EPHX4: variants seen among roughly 807,000 people sequenced by gnomAD.
EPHX4 encodes the protein epoxide hydrolase 4.
EPHX4 carries 31 observed loss-of-function variants against 44.9 expected under a neutral mutation model. The ratio of observed to expected loss-of-function variants is 0.69; its 90% CI spans 0.52 to 0.93. The LOEUF (loss-of-function observed/expected upper bound fraction) is 0.93, where lower values mean the gene tolerates loss of function less well. Ranked by LOEUF, EPHX4 falls within the 40% of genes least tolerant of loss-of-function variation. EPHX4 has a pLI of 0.00. For missense variants in EPHX4, 373 were observed against 438.1 expected, an observed-to-expected ratio of 0.85 and a Z score of 1.33; for synonymous variants, 151 against 159.7, an observed-to-expected ratio of 0.95 and a Z score of 0.41.
intron 2 of EPHX4, among the ~76,000 whole-genome samples, chr1:92,034,880 G>A (rs952696451): frequency 2.0e-5 from 3 of 152,114 alleles, no homozygotes; most frequent in Non-Finnish European, 4.4e-5. Flanking sequence ...CTGACCTCAA[G>A]TGATCTGCCC....
At chr1:92,030,340 G>A (rs1449667309) in intron 1 of EPHX4, 30 bp downstream of exon 1, 8 of 1,471,880 alleles carry the variant, frequency 5.4e-6, no homozygotes, top group Middle Eastern at 3.7e-4. Flanking sequence ...TGGCGGGAGC[G>A]GGAGGGAGCG....
chr1:92,052,735 T>A (rs1368026156), intron 6 of EPHX4, 77 bp downstream of exon 6: 1 of 1,296,050 alleles, frequency 7.7e-7, no homozygotes, highest in East Asian at 2.7e-5. Flanking sequence ...TTTTTAAGGT[T>A]AAGTTCACCA....
At chr1:92,040,118 T>C (rs1688488762) in intron 2 of EPHX4, among the ~76,000 whole-genome samples, 1 of 151,738 alleles carries the variant, frequency 6.6e-6, no homozygotes, top group Admixed American at 6.6e-5. Context: ...CATTCATAAT[T>C]CCAAATATGT....
At chr1:92,050,252 A>C in intron 4 of EPHX4, 65 bp from the exon 5 acceptor site, 1 of 980,020 alleles carries the variant, frequency 1.0e-6, no homozygotes, top group South Asian at 1.6e-5. Flanking sequence ...CCTAAAAAGA[A>C]GTTCTTCTAA....
Position 92,048,908 on chromosome 1 carries a change from G to T in EPHX4, c.605-1409G>T, listed in dbSNP as rs572753117. On this transcript the variant is annotated intron_variant, in intron 4 of 6. Transcript: ENST00000370383. ...TGTAGAGACAGTATCTTGCTATGTTGCCCAGGCTGGTCTCAAACCCTTGGC... is the reference window on the plus strand; with the variant it reads ...TGTAGAGACAGTATCTTGCTATGTTTCCCAGGCTGGTCTCAAACCCTTGGC... Among the ~76,000 whole-genome samples the T allele has an allele frequency of 2.0e-5, 3 of 151,842 alleles. No homozygotes were observed. The South Asian group carries it at 6.3e-4, about 32-fold the overall frequency.
At chr1:92,031,015 C>G (rs893179013) in intron 1 of EPHX4, among the ~76,000 whole-genome samples, 32 of 152,094 alleles carry the variant, frequency 2.1e-4, no homozygotes, top group African/African-American at 7.0e-4. Context: ...GGAAATAGTT[C>G]CCGTGATACA....
At chr1:92,062,264 A>C (rs770954884) in intron 6 of EPHX4, among the ~76,000 whole-genome samples, 1 of 151,864 alleles carries the variant, frequency 6.6e-6, no homozygotes, top group African/African-American at 2.4e-5. Flanking sequence ...TCATTACACC[A>C]TTCAGTAATT....
intron 2 of EPHX4, among the ~76,000 whole-genome samples, chr1:92,034,744 T>C (rs1296869040): frequency 1.3e-5 from 2 of 151,422 alleles, no homozygotes; most frequent in Non-Finnish European, 2.9e-5. Flanking sequence ...TGGGTTCAAG[T>C]GATTCTCCAG....
Position 92,052,505 on chromosome 1 carries a change from A to G in EPHX4, c.709-5A>G. On this transcript the variant is annotated splice_polypyrimidine_tract_variant and splice_region_variant and intron_variant, in intron 5 of 6. Coordinates refer to ENST00000370383, the MANE Select transcript of EPHX4 (RefSeq NM_173567.5). ...TTTTAATTATTGTTTTCTCACTTAA[A>G]TTAGGTTTTGAAACATCTGTTTACC... 6.3e-7 allele frequency: 1 copy of G among 1,589,358 alleles called. No homozygotes were observed. Among genetic ancestry groups the G allele is most frequent in the South Asian group, 1.2e-5 (1 of 85,130 alleles).
In EPHX4 at chr1:92,050,347, T is replaced by G. The variant is rs1053831916; in HGVS notation, c.635T>G (p.Leu212Trp). The G allele has an allele frequency of 6.2e-7, 1 of 1,607,066 alleles. No homozygotes were observed. ...ATTTTACGACACCCTGCTCAGCTGTTGAAATCCAGTTATTATTACTTCTTC... is the reference window on the plus strand; with the variant it reads ...ATTTTACGACACCCTGCTCAGCTGTGGAAATCCAGTTATTATTACTTCTTC... ...EYILRHPAQL[L>W]KSSYYYFFQI... The change falls in exon 5 of 7, where the codon TTG becomes TGG. Residue 212 changes from leucine (L) to tryptophan (W), a missense_variant. Physicochemically the swap from Leu to Trp is moderately conservative, Grantham distance 61. Coordinates refer to ENST00000370383, the MANE Select transcript of EPHX4 (RefSeq NM_173567.5).
At position 92,043,438 on chromosome 1, in the gene EPHX4, A is replaced by G. The variant is rs1475297385; in HGVS notation, c.475+458A>G. 2.0e-5 allele frequency: 3 copies of G among 151,128 alleles called. No homozygotes were observed. The East Asian group carries it at 5.8e-4, about 29-fold the overall frequency. The allele number at this position is 151,128 out of a possible 1,614,324, so 9.4% of individuals were successfully genotyped here. A position where few individuals can be genotyped will look rare whatever the true frequency, so the allele number is the denominator to read the frequency against. On this transcript the variant is annotated intron_variant, in intron 3 of 6. Coordinates refer to ENST00000370383, the MANE Select transcript of EPHX4 (RefSeq NM_173567.5). The stretch of plus-strand genomic sequence containing the variant: ...CCGTTGCACTCCAACCTGGGCAACA[A>G]GAATGAGACTCTGTTTAAAAAAAAA...
intron 2 of EPHX4, among the ~76,000 whole-genome samples, chr1:92,036,783 T>C (rs985762222): frequency 1.3e-5 from 2 of 152,216 alleles, no homozygotes; most frequent in Admixed American, 6.5e-5. Flanking sequence ...CCTGGTTGTT[T>C]AGGGAGCATC....
intron 1 of EPHX4, among the ~76,000 whole-genome samples, chr1:92,031,860 C>T (rs990498464): frequency 5.3e-5 from 8 of 152,052 alleles, no homozygotes; most frequent in African/African-American, 1.9e-4. Flanking sequence ...AAGTCTTGAG[C>T]ACTCAGGGCA....
chr1:92,039,803 G>A (rs923353715), intron 2 of EPHX4, among the ~76,000 whole-genome samples: 2 of 151,938 alleles, frequency 1.3e-5, no homozygotes, highest in South Asian at 2.1e-4. Context: ...ACAGGTGTCC[G>A]CCACCACGCC....
chr1:92,052,167 G>C (rs1570695649), intron 5 of EPHX4, among the ~76,000 whole-genome samples: 2 of 152,100 alleles, frequency 1.3e-5, no homozygotes, highest in Admixed American at 1.3e-4. Context: ...AATGCCCTGG[G>C]CTTATCTTTT....
intron 6 of EPHX4, among the ~76,000 whole-genome samples, chr1:92,059,497 G>A (rs1217423192): frequency 1.3e-5 from 2 of 151,952 alleles, no homozygotes; most frequent in African/African-American, 2.4e-5. Context: ...TTATGTCTTA[G>A]CCAGCATGTA....
chr1:92,058,053 A>C (rs1647411929), intron 6 of EPHX4, among the ~76,000 whole-genome samples: 1 of 152,254 alleles, frequency 6.6e-6, no homozygotes. Context: ...AGGTCAATTT[A>C]AGTTATAAAC....
At chr1:92,053,744 G>A (rs1328914522) in intron 6 of EPHX4, among the ~76,000 whole-genome samples, 2 of 152,166 alleles carry the variant, frequency 1.3e-5, no homozygotes, top group Non-Finnish European at 2.9e-5. Flanking sequence ...CAGCAGTATG[G>A]ATAAGCATGC....
chr1:92,033,096 T>TC (rs1557880868), intron 2 of EPHX4, among the ~76,000 whole-genome samples: 2 of 151,604 alleles, frequency 1.3e-5, no homozygotes, highest in South Asian at 4.2e-4. Flanking sequence ...TTTTTTTTTT[T>TC]TGGAGGTGGG....
Sources: allele counts gnomAD v4.1 joint callset (sites outside exome capture counted in the v4.1 genomes callset), GRCh38; gene constraint gnomAD v4.1.1; transcripts MANE v1.5; gene names NCBI Gene and HGNC (gene_info 2026-07-23, HGNC 2026-07-21).